Variants in EPB41L5 observed in about 807,000 individuals in gnomAD.
EPB41L5 encodes band 4.1-like protein 5.
EPB41L5 carries 55 observed loss-of-function variants against 106.6 expected under a neutral mutation model. The ratio of observed to expected loss-of-function variants is 0.52; its 90% CI spans 0.42 to 0.65. The LOEUF (loss-of-function observed/expected upper bound fraction) is 0.65, where lower values mean the gene tolerates loss of function less well. Ranked by LOEUF, EPB41L5 falls within the 30% of genes least tolerant of loss-of-function variation. The probability of loss-of-function intolerance (pLI) is 0.00; values close to 1 mark genes in which losing one functional copy is unlikely to be tolerated. For missense variants in EPB41L5, 871 were observed against 882.1 expected (o/e 0.99, Z 0.16); for synonymous variants, 297 against 306.7 (o/e 0.97, Z 0.33).
chr2:120,137,629 T>TG (rs1685984440), intron 18 of EPB41L5, among the ~76,000 whole-genome samples: 1 of 152,024 alleles, frequency 6.6e-6, no homozygotes, highest in Admixed American at 6.6e-5. Flanking sequence ...CCTAGACACA[T>TG]GCAGCCTACC....
At chr2:120,036,785 A>G (rs1283370531) in intron 2 of EPB41L5, among the ~76,000 whole-genome samples, 1 of 152,192 alleles carries the variant, frequency 6.6e-6, no homozygotes, top group African/African-American at 2.4e-5. Context: ...AAGGTGAAGG[A>G]GAAATTAGTG....
At chr2:120,151,282 G>A (rs376682266) in intron 20 of EPB41L5, among the ~76,000 whole-genome samples, 8 of 151,700 alleles carry the variant, frequency 5.3e-5, no homozygotes, top group African/African-American at 1.2e-4. Flanking sequence ...CCTGGGCGAC[G>A]GAGCGAGACT....
intron 2 of EPB41L5, among the ~76,000 whole-genome samples, chr2:120,028,485 A>C (rs1055555180): frequency 3.9e-5 from 6 of 152,152 alleles, no homozygotes; most frequent in Non-Finnish European, 4.4e-5. Context: ...GCAGTGGACT[A>C]TGATCATCCC....
chr2:120,025,435 A>T (rs913579007), intron 2 of EPB41L5, among the ~76,000 whole-genome samples: 4 of 151,660 alleles, frequency 2.6e-5, no homozygotes, highest in Non-Finnish European at 5.9e-5. Context: ...TTTTGAGCCT[A>T]TGTGTGTCTT....
At chr2:120,019,042 T>TG in intron 1 of EPB41L5, 35 bp from the exon 2 acceptor site, 1 of 1,554,064 alleles carries the variant, frequency 6.4e-7, no homozygotes. Flanking sequence ...TCTCATTTTT[T>TG]TCCTGATGCC....
In EPB41L5 at chr2:120,127,325, T is replaced by C. The variant is rs187029972; in HGVS notation, c.1338-363T>C. Among the ~76,000 whole-genome samples, 3 of 152,244 alleles carry C rather than the reference T, an allele frequency of 2.0e-5. No homozygotes were observed. The East Asian group carries it at 5.8e-4, about 29-fold the overall frequency. The stretch of plus-strand genomic sequence containing the variant: ...CTTATTCCAACAAAGACCTTGTTAG[T>C]ATAGTCCCTCAGTATCCATGGAGGA... On this transcript the variant is annotated intron_variant, in intron 16 of 24. Coordinates refer to ENST00000263713, the MANE Select transcript of EPB41L5 (RefSeq NM_020909.4).
chr2:120,167,081 C>T (rs1242433069), intron 22 of EPB41L5, among the ~76,000 whole-genome samples: 3 of 152,166 alleles, frequency 2.0e-5, no homozygotes. Flanking sequence ...ATCCATTGTT[C>T]AGGCTGCTAC....
intron 16 of EPB41L5, among the ~76,000 whole-genome samples, chr2:120,116,057 C>T (rs1227137924): frequency 5.3e-5 from 8 of 150,398 alleles, no homozygotes; most frequent in South Asian, 2.1e-4. Flanking sequence ...GTGACCTGCC[C>T]GCCTCAGCCT....
At chr2:120,063,467 T>G (rs1187936954) in intron 3 of EPB41L5, among the ~76,000 whole-genome samples, 1 of 152,136 alleles carries the variant, frequency 6.6e-6, no homozygotes. Flanking sequence ...GATTATGTAC[T>G]TTATCTCTGG....
intron 16 of EPB41L5, among the ~76,000 whole-genome samples, chr2:120,116,091 A>G (rs1347720014): frequency 1.3e-5 from 2 of 152,156 alleles, no homozygotes; most frequent in Non-Finnish European, 2.9e-5. Flanking sequence ...GATTACAGGT[A>G]TGAGCCATAC....
In EPB41L5 at chr2:120,131,731, C is replaced by T. The variant is rs771155652; in HGVS notation, c.1599+16C>T. 2.0e-6 allele frequency: 3 copies of T among 1,533,096 alleles called. No individual in the cohort carries two copies. Among genetic ancestry groups the T allele is most frequent in the Admixed American group, 1.7e-5 (1 of 59,476 alleles). 95.0% of individuals were successfully genotyped at this position (1,533,096 alleles called of 1,614,324 possible). A position where few individuals can be genotyped will look rare whatever the true frequency, so the allele number is the denominator to read the frequency against. On this transcript the variant is annotated intron_variant, in intron 18 of 24. Transcript: ENST00000263713. ...AAACAGCCAGGTATTCAGATTTCCCCTGTGTATACCTGTTACACATCTCCA... is the reference window on the plus strand; with the variant it reads ...AAACAGCCAGGTATTCAGATTTCCCTTGTGTATACCTGTTACACATCTCCA...
At chr2:120,093,216 A>G (rs749169091) in intron 13 of EPB41L5, 33 bp from the exon 14 acceptor site, 1 of 1,598,494 alleles carries the variant, frequency 6.3e-7, no homozygotes, top group South Asian at 1.1e-5. Flanking sequence ...GTAAGATGAA[A>G]CTAATGAGGT....
In EPB41L5 at chr2:120,074,381, G is replaced by A. The variant is rs192757822; in HGVS notation, c.407+203G>A. 1,073 of 493,844 alleles carry A rather than the reference G, an allele frequency of 2.2e-3. 1 individual carries two copies. The highest frequency in any genetic ancestry group is 6.3e-3 in the Admixed American group (165 of 26,064). The allele number at this position is 493,844 out of a possible 1,614,324, so 30.6% of individuals were successfully genotyped here. ...TTAGCATTTTCAAAATAAAGAGTTG[G>A]TTTCTTAGCATCCTCCAAAGGTGAC... On this transcript the variant is annotated intron_variant, in intron 5 of 24. Coordinates refer to ENST00000263713, the MANE Select transcript of EPB41L5 (RefSeq NM_020909.4).
chr2:120,138,683 G>C (rs577345645), intron 18 of EPB41L5, among the ~76,000 whole-genome samples: 3 of 152,076 alleles, frequency 2.0e-5, no homozygotes, highest in African/African-American at 7.2e-5. Flanking sequence ...AGATATCGAA[G>C]AGGACACAAA....
At chr2:120,166,337 G>A (rs1687406422) in intron 22 of EPB41L5, among the ~76,000 whole-genome samples, 1 of 152,152 alleles carries the variant, frequency 6.6e-6, no homozygotes, top group Non-Finnish European at 1.5e-5. Context: ...AGAATTAACT[G>A]CAAGTGTGGA....
chr2:120,044,653 C>A (rs1200558548), intron 3 of EPB41L5, among the ~76,000 whole-genome samples: 1 of 152,130 alleles, frequency 6.6e-6, no homozygotes, highest in African/African-American at 2.4e-5. Flanking sequence ...TAGCCCTTTG[C>A]TAATATTAGC....
chr2:120,153,853 T>C (rs943872663), intron 20 of EPB41L5, among the ~76,000 whole-genome samples: 3 of 152,232 alleles, frequency 2.0e-5, no homozygotes, highest in African/African-American at 7.2e-5. Context: ...AATATCTTTT[T>C]CTGTCTTTTC....
At chr2:120,148,281 C>G (rs932110805) in intron 20 of EPB41L5, among the ~76,000 whole-genome samples, 1 of 152,022 alleles carries the variant, frequency 6.6e-6, no homozygotes, top group African/African-American at 2.4e-5. Context: ...TGAGAATGTT[C>G]TAGAAACACC....
intron 3 of EPB41L5, among the ~76,000 whole-genome samples, chr2:120,050,999 G>T (rs1428759567): frequency 6.6e-6 from 1 of 152,196 alleles, no homozygotes; most frequent in African/African-American, 2.4e-5. Context: ...AAATGTTGCT[G>T]CCTGATCGTT....
Sources: gnomAD v4.1 joint callset for allele counts (sites outside exome capture counted in the v4.1 genomes callset) on GRCh38, gnomAD v4.1.1 for gene constraint, MANE v1.5 for transcripts, NCBI Gene and HGNC (gene_info 2026-07-23, HGNC 2026-07-21) for gene names.